HERC1: variants seen among roughly 807,000 people sequenced by gnomAD.
The protein encoded by HERC1 is probable E3 ubiquitin-protein ligase HERC1.
HERC1 carries 160 observed loss-of-function variants against 554.3 expected under a neutral mutation model. The ratio of observed to expected loss-of-function variants is 0.29; its 90% CI spans 0.25 to 0.33. HERC1 has a LOEUF of 0.33. Among genes scored for constraint, HERC1 ranks in the 10% least tolerant of loss-of-function variants. HERC1 has a pLI of 1.00. For synonymous variants in HERC1, 2,175 were observed against 2,131.7 expected (o/e 1.02, Z -0.56); for missense variants, 4,919 against 5,918.5 (o/e 0.83, Z 5.54).
chr15:63,655,715 T>A (rs1464705335), intron 50 of HERC1, 27 bp downstream of exon 50: 2 of 1,406,646 alleles, frequency 1.4e-6, no homozygotes, highest in Non-Finnish European at 2.0e-6. Context: ...ATTAGAAGAC[T>A]GTATGTTTCA....
intron 12 of HERC1, among the ~76,000 whole-genome samples, chr15:63,744,486 G>A (rs767007131): frequency 6.6e-6 from 1 of 152,034 alleles, no homozygotes; most frequent in Non-Finnish European, 1.5e-5. Context: ...TGGGAGTCAG[G>A]GACTAGAGTC....
At chr15:63,789,239 C>G (rs540588225) in intron 1 of HERC1, among the ~76,000 whole-genome samples, 1 of 148,166 alleles carries the variant, frequency 6.7e-6, no homozygotes, top group Non-Finnish European at 1.5e-5. Flanking sequence ...TACAGGCGCC[C>G]GCCACTACGC....
intron 39 of HERC1, 24 bp downstream of exon 39, chr15:63,672,472 G>C (rs1270883224): frequency 1.2e-5 from 18 of 1,535,640 alleles, no homozygotes; most frequent in Non-Finnish European, 1.1e-5. Context: ...CAGTATGGCA[G>C]ACATTAAAGG....
intron 60 of HERC1, among the ~76,000 whole-genome samples, chr15:63,641,183 GC>G (rs2069040205): frequency 6.6e-6 from 1 of 152,198 alleles, no homozygotes; most frequent in South Asian, 2.1e-4. Flanking sequence ...AAGATATTCT[GC>G]TGCATAGGTA....
intron 18 of HERC1, among the ~76,000 whole-genome samples, chr15:63,724,787 A>T (rs1051070721): frequency 1.3e-5 from 2 of 152,124 alleles, no homozygotes; most frequent in East Asian, 3.9e-4. Flanking sequence ...AATATATACA[A>T]ATGGGAGATG....
rs928363537 is a variant in HERC1 at position 63,723,054 on chromosome 15, T to C, written c.3742+128A>G. On this transcript the variant is annotated intron_variant, in intron 19 of 77. Coordinates refer to ENST00000443617, the MANE Select transcript of HERC1 (RefSeq NM_003922.4). ...GGAAAAACAAATTGTTTAAAAATGT[T>C]AATAAAATATCTTTTTCTATTAAAA... 33 of 548,096 alleles carry C rather than the reference T, an allele frequency of 6.0e-5. No individual in the cohort carries two copies. The African/African-American group carries it at 6.1e-4, about 10-fold the overall frequency. 34.0% of individuals were successfully genotyped at this position (548,096 alleles called of 1,614,324 possible).
intron 1 of HERC1, among the ~76,000 whole-genome samples, chr15:63,820,108 A>G (rs551549941): frequency 6.6e-6 from 1 of 152,340 alleles, no homozygotes; most frequent in South Asian, 2.1e-4. Context: ...AGAAATACAT[A>G]CAATTTTATC....
chr15:63,658,081 A>G (rs1043536970), intron 48 of HERC1, among the ~76,000 whole-genome samples: 4 of 152,196 alleles, frequency 2.6e-5, no homozygotes, highest in Non-Finnish European at 5.9e-5. Flanking sequence ...CTGATTTGCC[A>G]TTAAATACTC....
intron 37 of HERC1, among the ~76,000 whole-genome samples, chr15:63,676,843 G>A (rs1298542372): frequency 6.6e-6 from 1 of 152,184 alleles, no homozygotes; most frequent in African/African-American, 2.4e-5. Context: ...ATCACAATGG[G>A]CAGCATAATG....
At chr15:63,691,144 C>G (rs2072083276) in intron 31 of HERC1, among the ~76,000 whole-genome samples, 1 of 152,124 alleles carries the variant, frequency 6.6e-6, no homozygotes, top group South Asian at 2.1e-4. Flanking sequence ...TTAGGGTTAA[C>G]CGGGAGTAAA....
chr15:63,752,748 C>T (rs1367883850), intron 8 of HERC1: 4 of 447,136 alleles, frequency 8.9e-6, no homozygotes, highest in African/African-American at 4.0e-5. Context: ...ACAGAGGCTC[C>T]ACTAAGATTT....
chr15:63,813,473 G>C (rs955661125), intron 1 of HERC1, among the ~76,000 whole-genome samples: 8 of 151,618 alleles, frequency 5.3e-5, no homozygotes, highest in Admixed American at 3.3e-4. Flanking sequence ...TAGTGCGAAA[G>C]GGTTTTTTTT....
In HERC1 at chr15:63,623,890, T is replaced by C; in HGVS notation, c.13446A>G (p.Arg4482=). The C allele has an allele frequency of 6.2e-7, 1 of 1,613,228 alleles. No individual in the cohort carries two copies. The highest frequency in any genetic ancestry group is 8.5e-7 in the Non-Finnish European group (1 of 1,179,388). ...PQITVKRIST[R]GRKCKPIFVQ... is the part of the protein sequence containing the mutation. ...CAAAAATAGGCTTACACTTCCGTCC[T>C]CTTTAAAAGAAAGGGAGAAAGCAAT... The change falls in exon 73 of 78, where the codon AGA becomes AGG. Residue 4482 remains arginine, a splice_region_variant and synonymous_variant. Coordinates refer to ENST00000443617, the MANE Select transcript of HERC1 (RefSeq NM_003922.4).
chr15:63,822,901 T>A (rs2077754324), intron 1 of HERC1, among the ~76,000 whole-genome samples: 7 of 152,182 alleles, frequency 4.6e-5, no homozygotes, highest in Admixed American at 4.6e-4. Flanking sequence ...GAATCATAGA[T>A]CACTTAGGAT....
chr15:63,778,208 T>C (rs2076169709), intron 1 of HERC1, among the ~76,000 whole-genome samples: 1 of 152,184 alleles, frequency 6.6e-6, no homozygotes, highest in Non-Finnish European at 1.5e-5. Context: ...CATAAGGCTT[T>C]GTGGCAAGCA....
rs1181068941 is a variant in HERC1 at position 63,734,381 on chromosome 15, C to CATA, written c.2646+342_2646+343insTAT. The stretch of plus-strand genomic sequence containing the variant: ...CTAATAGTCATCTATACTCTTTATA[C>CATA]AAACGATTTCAGACAAAGTTCTCAG... On this transcript the variant is annotated intron_variant, in intron 13 of 77. Coordinates refer to ENST00000443617, the MANE Select transcript of HERC1 (RefSeq NM_003922.4). The surrounding 1 kb of genome is among the most constrained non-coding windows in gnomAD (Gnocchi z 4.6). Among the ~76,000 whole-genome samples, 15 of 152,096 alleles carry CATA rather than the reference C, an allele frequency of 9.9e-5. No individual in the cohort carries two copies. The highest frequency in any genetic ancestry group is 1.9e-4 in the Non-Finnish European group (13 of 68,022).
intron 1 of HERC1, among the ~76,000 whole-genome samples, chr15:63,819,189 T>C (rs547738784): frequency 1.1e-3 from 161 of 152,292 alleles, no homozygotes; most frequent in Non-Finnish European, 1.9e-3. Context: ...TAGGCTTTGG[T>C]TGCAGAACCA....
At position 63,674,659 on chromosome 15, in the gene HERC1, T is replaced by C. The variant is rs374495794; in HGVS notation, c.7529A>G (p.Tyr2510Cys). 3.1e-6 allele frequency: 5 copies of C among 1,613,780 alleles called. No homozygotes were observed. The African/African-American group carries it at 4.0e-5, about 13-fold the overall frequency. ...QSEIRAVQLS[Y>C]LYLGAMKSLS... ...TGACTTCATAGCACCGAGGTAAAGATAGGACAGCTGGACTGCTCTGATTTC... is the reference window on the plus strand; with the variant it reads ...TGACTTCATAGCACCGAGGTAAAGACAGGACAGCTGGACTGCTCTGATTTC... The change falls in exon 38 of 78, where the codon TAT becomes TGT. Residue 2510 changes from tyrosine (Y) to cysteine (C), a missense_variant. This residue lies in a region of HERC1 where 1,963 missense variants were observed against 2,228.6 expected (regional missense o/e 0.88). Transcript: ENST00000443617.
chr15:63,727,561 G>A lies in HERC1; in HGVS notation c.3346+86C>T. 3.4e-6 allele frequency: 3 copies of A among 894,864 alleles called. 1 individual carries two copies. The highest frequency in any genetic ancestry group is 5.1e-6 in the Non-Finnish European group (3 of 587,882). The allele number at this position is 894,864 out of a possible 1,614,324, so 55.4% of individuals were successfully genotyped here. On this transcript the variant is annotated intron_variant, in intron 17 of 77. Transcript: ENST00000443617. The surrounding 1 kb of genome is among the most constrained non-coding windows in gnomAD (Gnocchi z 4.3). ...TCCTTTGATAGCCTTAGGATAGATA[G>A]ACTCCAATGGAAAAACACAGTGATG... is the stretch of plus-strand genomic sequence containing the variant.
Sources: allele counts gnomAD v4.1 joint callset (sites outside exome capture counted in the v4.1 genomes callset), GRCh38; gene constraint gnomAD v4.1.1; regional missense constraint gnomAD v4.1.1; non-coding constraint Gnocchi (gnomAD v3.1); transcripts MANE v1.5; gene names NCBI Gene and HGNC (gene_info 2026-07-23, HGNC 2026-07-21).